CDH4: variants seen among roughly 807,000 people sequenced by gnomAD.
CDH4 encodes cadherin 4.
Under a neutral mutation model 86.0 loss-of-function variants are expected in CDH4, and 33 were observed. The observed-to-expected ratio is 0.38, with a 90% confidence interval of 0.29 to 0.51. CDH4 has a LOEUF of 0.51. Ranked by LOEUF, CDH4 falls within the 20% of genes least tolerant of loss-of-function variation. The pLI is 0.86. For synonymous variants in CDH4, 555 were observed against 549.4 expected (o/e 1.01, Z -0.14); for missense variants, 1,114 against 1,307.4 (o/e 0.85, Z 2.28).
At position 61,767,079 on chromosome 20, in the gene CDH4, G is replaced by T. The variant is rs141554428; in HGVS notation, c.397-5924G>T. Among the ~76,000 whole-genome samples, 12 of 152,334 alleles carry T rather than the reference G, an allele frequency of 7.9e-5. No homozygotes were observed. The East Asian group carries it at 2.3e-3, about 29-fold the overall frequency. ...TTGAGCTTGATGTCCTCTGTGTGCT[G>T]CCCTGAGGACTAAATGAGACTGTGT... On this transcript the variant is annotated intron_variant, in intron 3 of 15. Coordinates refer to ENST00000614565, the MANE Select transcript of CDH4 (RefSeq NM_001794.5).
chr20:61,477,443 A>G (rs2145575310), intron 2 of CDH4, among the ~76,000 whole-genome samples: 1 of 152,348 alleles, frequency 6.6e-6, no homozygotes, highest in South Asian at 2.1e-4. Flanking sequence ...CAGGGAGCAG[A>G]GGAACCAGCA....
chr20:61,758,949 A>G (rs2088599016), intron 3 of CDH4, among the ~76,000 whole-genome samples: 1 of 152,026 alleles, frequency 6.6e-6, no homozygotes, highest in African/African-American at 2.4e-5. Flanking sequence ...GTACACATGT[A>G]TATGAGTGTG....
chr20:61,730,915 G>A (rs1361710496), intron 2 of CDH4, among the ~76,000 whole-genome samples: 2 of 152,210 alleles, frequency 1.3e-5, no homozygotes, highest in Non-Finnish European at 2.9e-5. Context: ...GGGATGGATT[G>A]GGTGTCCAGT....
At chr20:61,656,410 A>T (rs2087191641) in intron 2 of CDH4, among the ~76,000 whole-genome samples, 1 of 149,662 alleles carries the variant, frequency 6.7e-6, no homozygotes, top group Admixed American at 6.6e-5. Context: ...GAGCAGGTGT[A>T]TGCTGAGGTG....
intron 2 of CDH4, among the ~76,000 whole-genome samples, chr20:61,272,812 T>C (rs1422324874): frequency 7.0e-6 from 1 of 142,362 alleles, no homozygotes; most frequent in African/African-American, 2.7e-5. Flanking sequence ...CATGCACATT[T>C]TGGGGGAGTA....
Position 61,923,700 on chromosome 20 carries a change from G to A in CDH4, c.1624G>A (p.Val542Met), listed in dbSNP as rs146426210. 2.5e-6 allele frequency: 4 copies of A among 1,612,946 alleles called. No homozygotes were observed. In the African/African-American group the frequency reaches 4.0e-5, roughly 16 times the overall value. The stretch of plus-strand genomic sequence containing the variant: ...CCCTGACCGGTTCATGCAGCAGGCT[G>A]TGAGGTGGGTGCACAGGACATGCCT... ...VDPDRFMQQAVRYSKLSDPAS... is the reference protein window; with the variant it reads ...VDPDRFMQQAMRYSKLSDPAS... Residue 542 changes from valine to methionine, a missense_variant, in exon 10 of 16, where the codon GTG becomes ATG. Physicochemically the swap from Val to Met is conservative, Grantham distance 21 (BLOSUM62 1). Coordinates refer to ENST00000614565, the MANE Select transcript of CDH4 (RefSeq NM_001794.5).
At chr20:61,635,564 G>T (rs1309289053) in intron 2 of CDH4, among the ~76,000 whole-genome samples, 2 of 152,248 alleles carry the variant, frequency 1.3e-5, no homozygotes, top group South Asian at 2.1e-4. Context: ...CATCCCCATG[G>T]TCCCCTGAGA....
At chr20:61,772,937 G>A (rs2088792274) in intron 3 of CDH4, 66 bp from the exon 4 acceptor site, 2 of 1,430,224 alleles carry the variant, frequency 1.4e-6, no homozygotes, top group South Asian at 2.7e-5. Context: ...CTTAGCAGAT[G>A]CCATTTTCCT....
chr20:61,361,908 G>C (rs1025584547), intron 2 of CDH4, among the ~76,000 whole-genome samples: 1 of 152,188 alleles, frequency 6.6e-6, no homozygotes, highest in East Asian at 1.9e-4. Context: ...CATGCCCCAG[G>C]TACTGTTCCA....
At chr20:61,619,424 G>A (rs1444955533) in intron 2 of CDH4, among the ~76,000 whole-genome samples, 1 of 152,140 alleles carries the variant, frequency 6.6e-6, no homozygotes, top group Non-Finnish European at 1.5e-5. Flanking sequence ...TTTTTAAAAC[G>A]CAAATAATTT....
chr20:61,735,531 G>A (rs1054973510), intron 2 of CDH4, among the ~76,000 whole-genome samples: 1 of 152,132 alleles, frequency 6.6e-6, no homozygotes, highest in African/African-American at 2.4e-5. Flanking sequence ...CCAGGGACTC[G>A]GGGACCAAGC....
Position 61,852,825 on chromosome 20 carries a change from C to G in CDH4, c.804C>G (p.Ile268Met). 6.2e-7 allele frequency: 1 copy of G among 1,614,050 alleles called. No individual in the cohort carries two copies. The highest frequency in any genetic ancestry group is 8.5e-7 in the Non-Finnish European group (1 of 1,179,942). ...ENPIDLYIYV[I>M]DMNDNRPEFI... is the part of the protein sequence containing the mutation. ...CCATCGACCTGTACATCTACGTCAT[C>G]GACATGAATGACAACCGCCCTGAGT... The change falls in exon 6 of 16, where the codon ATC (isoleucine) becomes ATG (methionine). Residue 268 changes from isoleucine (I) to methionine (M), a missense_variant. Ile to Met is a conservative substitution (Grantham distance 10). Transcript: ENST00000614565.
intron 7 of CDH4, among the ~76,000 whole-genome samples, chr20:61,888,775 C>T (rs144719973): frequency 1.3e-5 from 2 of 152,184 alleles, no homozygotes; most frequent in African/African-American, 4.8e-5. Flanking sequence ...TAACAAAGGC[C>T]TGAAGCGCAG....
intron 2 of CDH4, among the ~76,000 whole-genome samples, chr20:61,621,505 C>T (rs2086776882): frequency 6.6e-6 from 1 of 152,144 alleles, no homozygotes; most frequent in African/African-American, 2.4e-5. Context: ...ACCATGCAGT[C>T]AATCAGAGTA....
At chr20:61,333,314 G>A (rs1402746493) in intron 2 of CDH4, among the ~76,000 whole-genome samples, 1 of 151,966 alleles carries the variant, frequency 6.6e-6, no homozygotes. Flanking sequence ...TGGGGGAGCT[G>A]GCAAGTTTCT....
chr20:61,640,892 G>T (rs2087000269), intron 2 of CDH4, among the ~76,000 whole-genome samples: 1 of 152,350 alleles, frequency 6.6e-6, no homozygotes, highest in East Asian at 1.9e-4. Context: ...CCTTAATACT[G>T]CGAGTTCCAG....
chr20:61,707,782 G>T (rs868545), intron 2 of CDH4, among the ~76,000 whole-genome samples: 103,749 of 151,978 alleles, frequency 0.68, 37,801 homozygotes, highest in Non-Finnish European at 0.81. Flanking sequence ...CCTAGATCCC[G>T]TGCACGTGCA....
At chr20:61,733,754 A>G (rs6121785) in intron 2 of CDH4, among the ~76,000 whole-genome samples, 76,371 of 152,098 alleles carry the variant, frequency 0.5, 21,998 homozygotes, top group African/African-American at 0.79. Context: ...CAAGCTGGCA[A>G]CCTCTGCTGG....
intron 3 of CDH4, among the ~76,000 whole-genome samples, chr20:61,765,300 C>G (rs897157091): frequency 2.0e-5 from 3 of 152,174 alleles, no homozygotes; most frequent in Non-Finnish European, 4.4e-5. Flanking sequence ...TACCAGGCAT[C>G]TGGGGCACAC....
Sources: allele counts gnomAD v4.1 joint callset (sites outside exome capture counted in the v4.1 genomes callset), GRCh38; gene constraint gnomAD v4.1.1; transcripts MANE v1.5; gene names NCBI Gene and HGNC (gene_info 2026-07-23, HGNC 2026-07-21).